HTATIP2: variants seen among roughly 807,000 people sequenced by gnomAD.
HTATIP2 encodes the protein HIV-1 Tat interactive protein 2.
HTATIP2 carries 26 observed loss-of-function variants against 24.7 expected under a neutral mutation model. The ratio of observed to expected loss-of-function variants is 1.05; its 90% confidence interval spans 0.77 to 1.46. The LOEUF (loss-of-function observed/expected upper bound fraction) is 1.46. Among genes scored for constraint, HTATIP2 ranks in the 40% most tolerant of loss-of-function variants. HTATIP2 has a pLI of 0.00. For synonymous variants in HTATIP2, 99 were observed against 113.2 expected, an observed-to-expected ratio of 0.87 and a Z score of 0.79; for missense variants, 284 against 289.6, an observed-to-expected ratio of 0.98 and a Z score of 0.14.
At position 20,377,343 on chromosome 11, in the gene HTATIP2, A is replaced by G. The variant is rs1403140809; in HGVS notation, c.441+626A>G. Reference sequence around the variant, plus strand: ...AATGATCAGCCCATCTCAGCCTCCCAAAGTGCTGGGATTACAGGTGTGAGC... The same window carrying G: ...AATGATCAGCCCATCTCAGCCTCCCGAAGTGCTGGGATTACAGGTGTGAGC... On this transcript the variant is annotated intron_variant, in intron 3 of 4. Transcript: ENST00000451739. Among the ~76,000 whole-genome samples, 4 of 152,146 alleles carry G rather than the reference A, an allele frequency of 2.6e-5. No individual in the cohort carries two copies. The East Asian group carries it at 7.7e-4, about 29-fold the overall frequency.
chr11:20,371,707 G>A (rs1292082972), intron 2 of HTATIP2, among the ~76,000 whole-genome samples: 1 of 152,022 alleles, frequency 6.6e-6, no homozygotes, highest in East Asian at 1.9e-4. Context: ...CCAAAGTGCT[G>A]GGATTACCAT....
chr11:20,373,966 G>A (rs1848404173), intron 2 of HTATIP2, among the ~76,000 whole-genome samples: 1 of 152,160 alleles, frequency 6.6e-6, no homozygotes, highest in Non-Finnish European at 1.5e-5. Flanking sequence ...GAGTGTCAAA[G>A]TATACAACAA....
rs14273 is a variant in HTATIP2 at position 20,367,237 on chromosome 11, G to A, written c.259G>A (p.Val87Ile). 6.2e-7 allele frequency: 1 copy of A among 1,614,156 alleles called. No individual in the cohort carries two copies. Among genetic ancestry groups the A allele is most frequent in the South Asian group, 1.1e-5 (1 of 91,032 alleles). Residue 87 changes from valine to isoleucine, a missense_variant, in exon 2 of 5, where the codon GTT (valine) becomes ATT (isoleucine). Physicochemically the swap from Val to Ile is conservative, Grantham distance 29 (BLOSUM62 3). Transcript: ENST00000451739. ...CGCCTCTGCCTTTCAAGGTCATGAT[G>A]TTGGATTCTGTTGCCTGGGTACCAC... Reference protein sequence around the residue: ...DYASAFQGHDVGFCCLGTTRG... With the variant: ...DYASAFQGHDIGFCCLGTTRG...
At position 20,383,037 on chromosome 11, in the gene HTATIP2, C is replaced by A; in HGVS notation, c.561C>A (p.Phe187Leu). The A allele has an allele frequency of 6.2e-7, 1 of 1,612,366 alleles. No individual in the cohort carries two copies. Among genetic ancestry groups the A allele is most frequent in the Non-Finnish European group, 8.5e-7 (1 of 1,179,838 alleles). ...SRPGEWLVRK[F>L]FGSLPDSWAS... ...CAGGTGAATGGCTGGTTAGAAAGTT[C>A]TTTGGCTCCTTACCAGACTCTTGGG... The change falls in exon 5 of 5, where the codon TTC becomes TTA. Residue 187 changes from phenylalanine to leucine, a missense_variant. Phe to Leu is a conservative substitution (Grantham distance 22). Coordinates refer to ENST00000451739, the MANE Select transcript of HTATIP2 (RefSeq NM_001098522.2).
At chr11:20,366,686 C>T (rs1055110085) in intron 1 of HTATIP2, among the ~76,000 whole-genome samples, 1 of 151,720 alleles carries the variant, frequency 6.6e-6, no homozygotes, top group Non-Finnish European at 1.5e-5. Context: ...GCAAATGGTT[C>T]ATGGATTGGA....
chr11:20,364,396 G>A lies in HTATIP2; in HGVS notation c.159G>A (p.Arg53=). The part of the protein sequence containing the change: ...LFSKVTLIGR[R]KLTFDEEAYK... ...CCAAAGTCACGCTCATTGGCCGGAG[G>A]AAGCTCACCTTCGACGAGGAAGCTT... The change falls in exon 1 of 5, where the codon AGG becomes AGA. Residue 53 remains arginine (R), a synonymous_variant. Coordinates refer to ENST00000451739, the MANE Select transcript of HTATIP2 (RefSeq NM_001098522.2). The A allele has an allele frequency of 6.2e-7, 1 of 1,610,436 alleles. No individual in the cohort carries two copies. The highest frequency in any genetic ancestry group is 1.1e-5 in the South Asian group (1 of 90,894).
At chr11:20,366,221 C>T (rs543029631) in intron 1 of HTATIP2, among the ~76,000 whole-genome samples, 3 of 150,732 alleles carry the variant, frequency 2.0e-5, no homozygotes, top group South Asian at 4.2e-4. Context: ...CCTGCCTCAG[C>T]CTCCCGAGTA....
chr11:20,372,726 G>C (rs1163778079), intron 2 of HTATIP2, among the ~76,000 whole-genome samples: 1 of 152,160 alleles, frequency 6.6e-6, no homozygotes, highest in Non-Finnish European at 1.5e-5. Flanking sequence ...ATATGAAATA[G>C]CTTGCTTTAG....
At chr11:20,369,279 G>A (rs973857271) in intron 2 of HTATIP2, among the ~76,000 whole-genome samples, 1 of 152,180 alleles carries the variant, frequency 6.6e-6, no homozygotes, top group African/African-American at 2.4e-5. Context: ...TATCATATGA[G>A]TACTACAAAG....
At chr11:20,374,474 T>C (rs1176372154) in intron 2 of HTATIP2, among the ~76,000 whole-genome samples, 1 of 152,192 alleles carries the variant, frequency 6.6e-6, no homozygotes, top group Non-Finnish European at 1.5e-5. Flanking sequence ...ACCATTTCCA[T>C]ACGTTTTTCA....
intron 3 of HTATIP2, among the ~76,000 whole-genome samples, chr11:20,380,579 G>C (rs559368841): frequency 6.7e-6 from 1 of 150,044 alleles, no homozygotes; most frequent in African/African-American, 2.4e-5. Flanking sequence ...GGCTGAGGCA[G>C]GAGAACGGCA....
At chr11:20,364,573 G>C in intron 1 of HTATIP2, 141 bp downstream of exon 1, 1 of 679,422 alleles carries the variant, frequency 1.5e-6, no homozygotes, top group Non-Finnish European at 2.4e-6. Context: ...TGGTCTGTGA[G>C]AGTCCCTCCC....
chr11:20,367,519 A>G (rs1000434740), intron 2 of HTATIP2: 3 of 1,437,240 alleles, frequency 2.1e-6, no homozygotes, highest in African/African-American at 2.9e-5. Context: ...AAATATTTAC[A>G]TGATTTTGCC....
chr11:20,371,672 C>A (rs997849147), intron 2 of HTATIP2, among the ~76,000 whole-genome samples: 10 of 152,080 alleles, frequency 6.6e-5, no homozygotes, highest in Non-Finnish European at 1.5e-4. Context: ...CTCCTGGGTT[C>A]AAGTGATCTG....
intron 1 of HTATIP2, among the ~76,000 whole-genome samples, chr11:20,365,697 C>G (rs960434132): frequency 6.6e-5 from 10 of 152,078 alleles, no homozygotes; most frequent in African/African-American, 2.4e-4. Flanking sequence ...GAAGGCTGGG[C>G]GTGGTGGCTC....
intron 3 of HTATIP2, among the ~76,000 whole-genome samples, chr11:20,377,129 C>CTT (rs11441867): frequency 0.8 from 115,107 of 144,290 alleles, 47,552 homozygotes; most frequent in Non-Finnish European, 0.92. Flanking sequence ...ACTTTCTTTT[C>CTT]TTTTTTTTTT....
In HTATIP2 at chr11:20,367,155, C is replaced by A. The variant is rs780450156; in HGVS notation, c.196-19C>A. 1 of 1,613,260 alleles carries A rather than the reference C, an allele frequency of 6.2e-7. No individual in the cohort carries two copies. Among genetic ancestry groups the A allele is most frequent in the Admixed American group, 1.7e-5 (1 of 59,914 alleles). ...TGTTTAAATAACATGAAACTACATA[C>A]AACTGTGTCCTTGCCTAGAATCAAG... On this transcript the variant is annotated intron_variant, in intron 1 of 4. Transcript: ENST00000451739.
intron 2 of HTATIP2, among the ~76,000 whole-genome samples, chr11:20,375,019 G>A (rs1413949371): frequency 6.6e-6 from 1 of 152,006 alleles, no homozygotes; most frequent in African/African-American, 2.4e-5. Flanking sequence ...AGCGAGAGAG[G>A]GTGGGGGATA....
chr11:20,380,180 ATTGT>A (rs938216892), intron 3 of HTATIP2, among the ~76,000 whole-genome samples: 4 of 152,194 alleles, frequency 2.6e-5, no homozygotes, highest in African/African-American at 9.7e-5. Flanking sequence ...CATAAACCAC[ATTGT>A]TTGTACAGAC....
Sources: gnomAD v4.1 joint callset for allele counts (sites outside exome capture counted in the v4.1 genomes callset) on GRCh38, gnomAD v4.1.1 for gene constraint, MANE v1.5 for transcripts, NCBI Gene and HGNC (gene_info 2026-07-23, HGNC 2026-07-21) for gene names.